The following PIP5K1C variants were observed in gnomAD, a reference collection of about 807,000 sequenced individuals.
PIP5K1C encodes the protein phosphatidylinositol-4-phosphate 5-kinase type 1 gamma.
Under a neutral mutation model 80.1 loss-of-function variants are expected in PIP5K1C, and 45 were observed. The ratio of observed to expected loss-of-function variants is 0.56; its 90% CI spans 0.44 to 0.72. PIP5K1C has a LOEUF of 0.72. PIP5K1C is among the 30% of genes least tolerant of loss of function. PIP5K1C has a pLI of 0.00. For synonymous variants in PIP5K1C, 498 were observed against 420.1 expected (o/e 1.19, Z -2.27); for missense variants, 753 against 954.6 (o/e 0.79, Z 2.78).
chr19:3,643,253 G>C lies in PIP5K1C; in HGVS notation c.1639C>G (p.Pro547Ala), dbSNP rs1405835378. 5 of 1,613,442 alleles carry C rather than the reference G, an allele frequency of 3.1e-6. No homozygotes were observed. Among genetic ancestry groups the C allele is most frequent in the Non-Finnish European group, 4.2e-6 (5 of 1,179,892 alleles). The part of the protein sequence containing the change: ...ERSPSETSEQ[P>A]RYRRRTQSSG... ...GGATGCCTCGCCCACCTGTACCGCG[G>C]CTGCTCCGACGTCTCCGAGGGGGAC... The change falls in exon 13 of 18, where the codon CCG (proline) becomes GCG (alanine). Residue 547 changes from proline (P) to alanine (A), a missense_variant. Physicochemically the swap from Pro to Ala is conservative, Grantham distance 27. This residue lies in a region of PIP5K1C where 315 missense variants were observed against 294.5 expected (regional missense o/e 1.07). Transcript: ENST00000335312.
At chr19:3,660,600 G>A (rs1489311539) in intron 5 of PIP5K1C, among the ~76,000 whole-genome samples, 2 of 152,294 alleles carry the variant, frequency 1.3e-5, no homozygotes, top group East Asian at 3.9e-4. Flanking sequence ...CCAGTGCCTT[G>A]TTCTAACCCT....
At chr19:3,675,856 T>C (rs2035340927) in intron 1 of PIP5K1C, among the ~76,000 whole-genome samples, 1 of 152,174 alleles carries the variant, frequency 6.6e-6, no homozygotes, top group African/African-American at 2.4e-5. Context: ...CCCCCAGCTG[T>C]AACAACCACA....
rs1433830070 is a variant in PIP5K1C at position 3,656,427 on chromosome 19, T to C, written c.599A>G (p.Lys200Arg). 1.2e-6 allele frequency: 2 copies of C among 1,613,402 alleles called. No individual in the cohort carries two copies. The change falls in exon 6 of 18, where the codon AAG (lysine) becomes AGG (arginine). Residue 200 changes from lysine to arginine, a missense_variant. Lys to Arg is a conservative substitution (Grantham distance 26). Transcript: ENST00000335312. ...VMHKEAEFLQ[K>R]LLPGYYMNLN... The stretch of plus-strand genomic sequence containing the variant: ...CACCATGTAGTAGCCAGGGAGCAGC[T>C]TCTGCAGGAACTCGGCCTCCTTGTG...
chr19:3,665,142 G>A (rs1406368076), intron 2 of PIP5K1C, among the ~76,000 whole-genome samples: 4 of 152,302 alleles, frequency 2.6e-5, no homozygotes, highest in East Asian at 1.9e-4. Flanking sequence ...ACCCAGAAGC[G>A]CTCACTCCAA....
At chr19:3,665,410 C>T (rs1482823449) in intron 2 of PIP5K1C, among the ~76,000 whole-genome samples, 1 of 151,954 alleles carries the variant, frequency 6.6e-6, no homozygotes, top group Admixed American at 6.6e-5. Flanking sequence ...CTGCACACTT[C>T]AGAGAGTACA....
rs368332020 is a variant in PIP5K1C, at chr19:3,647,331, C to T, written c.1260+7G>A. 709 of 1,570,066 alleles carry T rather than the reference C, an allele frequency of 4.5e-4. No individual in the cohort carries two copies. The highest frequency in any genetic ancestry group is 5.7e-4 in the Non-Finnish European group (665 of 1,156,688). ...AGGAGGAATGGGAGGAGGGTGCAGG[C>T]GCTCACCCCATCGTGGACGAGGGCC... On this transcript the variant is annotated splice_region_variant and intron_variant, in intron 10 of 17. Transcript: ENST00000335312.
intron 16 of PIP5K1C, chr19:3,636,416 C>A (rs1216429057): frequency 2.0e-6 from 2 of 985,324 alleles, no homozygotes; most frequent in Non-Finnish European, 2.4e-6. Context: ...GCTGTGCCTG[C>A]TGCCGAGACC....
Position 3,648,645 on chromosome 19 carries a change from G to T in PIP5K1C, c.1191C>A (p.Ile397=), listed in dbSNP as rs748052238. The T allele has an allele frequency of 6.2e-7, 1 of 1,613,028 alleles. No homozygotes were observed. Among genetic ancestry groups the T allele is most frequent in the South Asian group, 1.1e-5 (1 of 91,090 alleles). Residue 397 remains isoleucine, a synonymous_variant, in exon 9 of 18, where the codon ATC becomes ATA. Transcript: ENST00000335312. This position sits in a 1 kb window ranked among gnomAD's most constrained non-coding sequence, Gnocchi z 4.3. ...GERLLLHIGI[I]DILQSYRFIK... ...CCCACCTGTAGGACTGCAGGATGTCGATGATGCCAATGTGCAGCAGCAGCC... is the reference window on the plus strand; with the variant it reads ...CCCACCTGTAGGACTGCAGGATGTCTATGATGCCAATGTGCAGCAGCAGCC...
At chr19:3,653,209 T>G in intron 7 of PIP5K1C, 81 bp downstream of exon 7, 1 of 1,379,288 alleles carries the variant, frequency 7.3e-7, no homozygotes, top group Non-Finnish European at 1.0e-6. Context: ...GCACCCTCCC[T>G]GGCCCTGCCT....
At chr19:3,670,483 G>A (rs1418557422) in intron 1 of PIP5K1C, among the ~76,000 whole-genome samples, 1 of 152,212 alleles carries the variant, frequency 6.6e-6, no homozygotes, top group Admixed American at 6.5e-5. Context: ...AGAGGGGTGT[G>A]GAGCTTCTCC....
chr19:3,643,506 TC>T, intron 12 of PIP5K1C, 125 bp from the exon 13 acceptor site: 1 of 1,095,302 alleles, frequency 9.1e-7, no homozygotes, highest in Non-Finnish European at 1.3e-6. Context: ...TCCCAGACAC[TC>T]CCACCTCCCC....
intron 15 of PIP5K1C, 86 bp from the exon 16 acceptor site, chr19:3,639,102 C>T: frequency 1.4e-6 from 2 of 1,471,668 alleles, no homozygotes; most frequent in Non-Finnish European, 9.3e-7. Flanking sequence ...CAGGCAGGGG[C>T]TTCATACGGT....
intron 1 of PIP5K1C, among the ~76,000 whole-genome samples, chr19:3,697,231 G>A (rs1287867843): frequency 6.6e-6 from 1 of 151,774 alleles, no homozygotes; most frequent in Non-Finnish European, 1.5e-5. Flanking sequence ...GGACCGGGGA[G>A]GACCGAGCTG....
intron 1 of PIP5K1C, among the ~76,000 whole-genome samples, chr19:3,669,397 G>T (rs1215096597): frequency 6.6e-6 from 1 of 152,228 alleles, no homozygotes; most frequent in African/African-American, 2.4e-5. Context: ...ACTGGGCGAG[G>T]TTCAGGGAGG....
At chr19:3,663,789 G>A (rs926490839) in intron 3 of PIP5K1C, among the ~76,000 whole-genome samples, 1 of 152,200 alleles carries the variant, frequency 6.6e-6, no homozygotes, top group Non-Finnish European at 1.5e-5. Flanking sequence ...TGTGAAAACG[G>A]TACCGCTGCT....
intron 1 of PIP5K1C, among the ~76,000 whole-genome samples, chr19:3,671,565 C>G (rs186740671): frequency 6.6e-6 from 1 of 152,168 alleles, no homozygotes; most frequent in Non-Finnish European, 1.5e-5. Flanking sequence ...TGGCCGGGGC[C>G]GAAGCACTGA....
At position 3,633,172 on chromosome 19, in the gene PIP5K1C, G is replaced by T; in HGVS notation, c.2005-3C>A. Reference sequence around the variant, plus strand: ...GGTCGGGGGCTGCATAGAAATTACTGCAAGAGCAAGAGGACAGGTGAAGGT... The same window carrying T: ...GGTCGGGGGCTGCATAGAAATTACTTCAAGAGCAAGAGGACAGGTGAAGGT... On this transcript the variant is annotated splice_region_variant and splice_polypyrimidine_tract_variant and intron_variant, in intron 17 of 17. Coordinates refer to ENST00000335312, the MANE Select transcript of PIP5K1C (RefSeq NM_012398.3). The T allele has an allele frequency of 1.3e-6, 1 of 767,254 alleles. No individual in the cohort carries two copies. Among genetic ancestry groups the T allele is most frequent in the South Asian group, 1.4e-5 (1 of 72,576 alleles). The allele number at this position is 767,254 out of a possible 1,614,324, so 47.5% of individuals were successfully genotyped here.
intron 1 of PIP5K1C, among the ~76,000 whole-genome samples, chr19:3,693,861 C>T (rs1403628821): frequency 6.6e-6 from 1 of 151,866 alleles, no homozygotes; most frequent in Non-Finnish European, 1.5e-5. Context: ...ACCAAGGGTT[C>T]GAGACCCTCG....
intron 1 of PIP5K1C, among the ~76,000 whole-genome samples, chr19:3,689,952 G>A (rs1487109759): frequency 1.3e-5 from 2 of 152,068 alleles, no homozygotes; most frequent in Admixed American, 6.6e-5. Context: ...TCTATAGGCT[G>A]GAAAGCTTTC....
Sources: allele counts gnomAD v4.1 joint callset (sites outside exome capture counted in the v4.1 genomes callset), GRCh38; gene constraint gnomAD v4.1.1; regional missense constraint gnomAD v4.1.1; non-coding constraint Gnocchi (gnomAD v3.1); transcripts MANE v1.5; gene names NCBI Gene and HGNC (gene_info 2026-07-23, HGNC 2026-07-21).